The following INHBB variants were observed in gnomAD, a reference collection of about 807,000 sequenced individuals.
The protein encoded by INHBB is inhibin beta B chain.
Under a neutral mutation model 28.9 loss-of-function variants are expected in INHBB, and 8 were observed. The observed-to-expected ratio is 0.28, with a 90% CI of 0.16 to 0.50. The LOEUF is 0.50. Among genes scored for constraint, INHBB ranks in the 20% least tolerant of loss-of-function variants. The pLI is 0.98. For missense variants in INHBB, 499 were observed against 597.8 expected, an observed-to-expected ratio of 0.83 and a Z score of 1.72; for synonymous variants, 293 against 262.7, an observed-to-expected ratio of 1.12 and a Z score of -1.12.
At chr2:120,348,287 T>A (rs1156539679) in intron 1 of INHBB, among the ~76,000 whole-genome samples, 1 of 146,252 alleles carries the variant, frequency 6.8e-6, no homozygotes, top group Admixed American at 6.8e-5. Context: ...GTCACCGGAA[T>A]GTAGGATGAG....
At position 120,346,147 on chromosome 2, in the gene INHBB, G is replaced by A. The variant is rs1006334424; in HGVS notation, c.-42G>A. 4 of 1,071,354 alleles carry A rather than the reference G, an allele frequency of 3.7e-6. No individual in the cohort carries two copies. Among genetic ancestry groups the A allele is most frequent in the East Asian group, 6.5e-5 (1 of 15,332 alleles). 66.4% of individuals were successfully genotyped at this position (1,071,354 alleles called of 1,614,324 possible). On this transcript the variant is annotated 5_prime_UTR_variant, in exon 1 of 2. Coordinates refer to ENST00000295228, the MANE Select transcript of INHBB (RefSeq NM_002193.4). ...CCCGGCCCTGCGCTCGGCTCGACTC[G>A]GCTCGCCTCGCGGCGGGCGCCCTCG... is the stretch of plus-strand genomic sequence containing the variant.
chr2:120,347,643 A>T (rs1285174290), intron 1 of INHBB, among the ~76,000 whole-genome samples: 12 of 152,106 alleles, frequency 7.9e-5, no homozygotes, highest in Non-Finnish European at 1.3e-4. Flanking sequence ...GCCCCGGTGC[A>T]GTTAGGGCGG....
In INHBB at chr2:120,346,605, C is replaced by A; in HGVS notation, c.417C>A (p.Arg139=). The part of the protein sequence containing the change: ...HASPGADGQE[R]VSEIISFAET... ...GCCCGGGCGCCGACGGCCAGGAGCG[C>A]GTTTCCGAAATCATCAGCTTCGCCG... Residue 139 remains arginine (R), a synonymous_variant, in exon 1 of 2, where the codon CGC becomes CGA. Transcript: ENST00000295228. 6.9e-7 allele frequency: 1 copy of A among 1,453,050 alleles called. No homozygotes were observed. The highest frequency in any genetic ancestry group is 1.5e-5 in the African/African-American group (1 of 67,844). The allele number at this position is 1,453,050 out of a possible 1,614,324, so 90.0% of individuals were successfully genotyped here.
rs1691150438 is a variant in INHBB at position 120,346,302 on chromosome 2, G to T, written c.114G>T (p.Ala38=). Residue 38 remains alanine, a synonymous_variant, in exon 1 of 2, where the codon GCG becomes GCT. Coordinates refer to ENST00000295228, the MANE Select transcript of INHBB (RefSeq NM_002193.4). The part of the protein sequence containing the change: ...GSPTPPPTPA[A]PPPPPPPGSP... ...CCACGCCCCCGCCGACGCCTGCCGCGCCGCCGCCACCCCCGCCACCCGGAT... is the reference window on the plus strand; with the variant it reads ...CCACGCCCCCGCCGACGCCTGCCGCTCCGCCGCCACCCCCGCCACCCGGAT... The T allele has an allele frequency of 7.3e-7, 1 of 1,376,832 alleles. No homozygotes were observed. Among genetic ancestry groups the T allele is most frequent in the Non-Finnish European group, 9.3e-7 (1 of 1,073,004 alleles). 85.3% of individuals were successfully genotyped at this position (1,376,832 alleles called of 1,614,324 possible). A position where few individuals can be genotyped will look rare whatever the true frequency, so the allele number is the denominator to read the frequency against.
In INHBB at chr2:120,349,732, G is replaced by A. The variant is rs1558973639; in HGVS notation, c.1082G>A (p.Arg361Gln). 1.2e-6 allele frequency: 2 copies of A among 1,613,722 alleles called. No individual in the cohort carries two copies. Among genetic ancestry groups the A allele is most frequent in the Non-Finnish European group, 1.7e-6 (2 of 1,180,026 alleles). ...GCTGTGGTGAACCAGTACCGCATGC[G>A]GGGTCTGAACCCCGGCACGGTGAAC... Reference protein sequence around the residue: ...HTAVVNQYRMRGLNPGTVNSC... With the variant: ...HTAVVNQYRMQGLNPGTVNSC... The change falls in exon 2 of 2, where the codon CGG becomes CAG. Residue 361 changes from arginine to glutamine, a missense_variant. Coordinates refer to ENST00000295228, the MANE Select transcript of INHBB (RefSeq NM_002193.4). The surrounding 1 kb of genome is among the most constrained non-coding windows in gnomAD (Gnocchi z 5.6).
chr2:120,349,241 G>A lies in INHBB; in HGVS notation c.591G>A (p.Val197=), dbSNP rs1691215036. 2 of 1,614,074 alleles carry A rather than the reference G, an allele frequency of 1.2e-6. No individual in the cohort carries two copies. Among genetic ancestry groups the A allele is most frequent in the South Asian group, 1.1e-5 (1 of 91,088 alleles). Residue 197 remains valine, a synonymous_variant, in exon 2 of 2, where the codon GTG becomes GTA. Coordinates refer to ENST00000295228, the MANE Select transcript of INHBB (RefSeq NM_002193.4). This position sits in a 1 kb window ranked among gnomAD's most constrained non-coding sequence, Gnocchi z 5.6. ...YVLEKGSRRK[V]RVKVYFQEQG... ...TGGAGAAGGGCAGCCGGCGGAAGGTGCGGGTCAAAGTGTACTTCCAGGAGC... is the reference window on the plus strand; with the variant it reads ...TGGAGAAGGGCAGCCGGCGGAAGGTACGGGTCAAAGTGTACTTCCAGGAGC...
At chr2:120,348,667 A>AC (rs1329863654) in intron 1 of INHBB, among the ~76,000 whole-genome samples, 1 of 151,470 alleles carries the variant, frequency 6.6e-6, no homozygotes, top group Non-Finnish European at 1.5e-5. Context: ...AAAAAAAAAA[A>AC]AAAAAAAAAA....
rs890024718 is a variant in INHBB at position 120,350,145 on chromosome 2, A to G, written c.*271A>G. On this transcript the variant is annotated 3_prime_UTR_variant, in exon 2 of 2. Transcript: ENST00000295228. ...AGACGCATCCTGCCACCCACACAGC[A>G]GCCTCCAGGATACCAGCAAATGGAT... The G allele has an allele frequency of 1.5e-5, 7 of 466,972 alleles. No individual in the cohort carries two copies. Among genetic ancestry groups the G allele is most frequent in the African/African-American group, 9.8e-5 (5 of 51,234 alleles). 28.9% of individuals were successfully genotyped at this position (466,972 alleles called of 1,614,324 possible).
In INHBB at chr2:120,350,379, G is replaced by T. The variant is rs555243816; in HGVS notation, c.*505G>T. On this transcript the variant is annotated 3_prime_UTR_variant, in exon 2 of 2. Transcript: ENST00000295228. Reference sequence around the variant, plus strand: ...TGGGGAGCGCAGCTCGGCGGAGGCTGCGTGTGCCCCGTGGCTTTTACCAGG... The same window carrying T: ...TGGGGAGCGCAGCTCGGCGGAGGCTTCGTGTGCCCCGTGGCTTTTACCAGG... The T allele has an allele frequency of 6.1e-6, 1 of 162,738 alleles. No individual in the cohort carries two copies. The highest frequency in any genetic ancestry group is 1.8e-4 in the South Asian group (1 of 5,600). The allele number at this position is 162,738 out of a possible 1,614,324, so 10.1% of individuals were successfully genotyped here.
Position 120,346,524 on chromosome 2 carries a change from G to A in INHBB, c.336G>A (p.Ala112=), listed in dbSNP as rs1231032195. 6 of 1,529,920 alleles carry A rather than the reference G, an allele frequency of 3.9e-6. No individual in the cohort carries two copies. Among genetic ancestry groups the A allele is most frequent in the Non-Finnish European group, 5.2e-6 (6 of 1,145,080 alleles). 94.8% of individuals were successfully genotyped at this position (1,529,920 alleles called of 1,614,324 possible). A position where few individuals can be genotyped will look rare whatever the true frequency, so the allele number is the denominator to read the frequency against. The change falls in exon 1 of 2, where the codon GCG becomes GCA. Residue 112 remains alanine, a synonymous_variant. Transcript: ENST00000295228. ...TCACGGCCCTGCGCAAGCTGCACGC[G>A]GGCAAGGTGCGCGAGGACGGCCGCG... The part of the protein sequence containing the change: ...AMVTALRKLH[A]GKVREDGRVE...
At chr2:120,346,680 C>A in intron 1 of INHBB, 44 bp downstream of exon 1, 2 of 1,381,626 alleles carry the variant, frequency 1.4e-6, no homozygotes, top group South Asian at 1.7e-5. Flanking sequence ...CCCGCTCGCT[C>A]CCGCTCTCCC....
In INHBB at chr2:120,346,569, C is replaced by A; in HGVS notation, c.381C>A (p.Asp127Glu). ...EDGRVEIPHLDGHASPGADGQ... is the reference protein window; with the variant it reads ...EDGRVEIPHLEGHASPGADGQ... ...GCCGCGTGGAGATCCCGCACCTCGA[C>A]GGCCACGCCAGCCCGGGCGCCGACG... The change falls in exon 1 of 2, where the codon GAC becomes GAA. Residue 127 changes from aspartate to glutamate, a missense_variant. By Grantham distance (45) the Asp-to-Glu change is conservative (BLOSUM62 2). This residue lies in a region of INHBB where 385 missense variants were observed against 415.2 expected (regional missense o/e 0.93). Coordinates refer to ENST00000295228, the MANE Select transcript of INHBB (RefSeq NM_002193.4). 6.7e-7 allele frequency: 1 copy of A among 1,485,930 alleles called. No homozygotes were observed. Among genetic ancestry groups the A allele is most frequent in the Non-Finnish European group, 8.9e-7 (1 of 1,125,036 alleles). The allele number at this position is 1,485,930 out of a possible 1,614,324, so 92.0% of individuals were successfully genotyped here.
At chr2:120,347,736 C>T (rs1044577639) in intron 1 of INHBB, among the ~76,000 whole-genome samples, 14 of 152,196 alleles carry the variant, frequency 9.2e-5, no homozygotes, top group Middle Eastern at 3.4e-3. Flanking sequence ...GCAGGCAGCC[C>T]GGGGATGAAA....
intron 1 of INHBB, among the ~76,000 whole-genome samples, chr2:120,347,074 AGT>A (rs916053696): frequency 2.0e-5 from 3 of 151,718 alleles, no homozygotes; most frequent in African/African-American, 4.8e-5. Flanking sequence ...GGAGAGAGAG[AGT>A]GTGTGTGTAT....
chr2:120,347,982 G>A (rs1368562078), intron 1 of INHBB, among the ~76,000 whole-genome samples: 1 of 152,180 alleles, frequency 6.6e-6, no homozygotes, highest in East Asian at 1.9e-4. Context: ...TGACAGCGGG[G>A]GCTGTTATAT....
Position 120,350,030 on chromosome 2 carries a change from A to G in INHBB, c.*156A>G, listed in dbSNP as rs1307068992. The G allele has an allele frequency of 1.5e-5, 11 of 719,702 alleles. No homozygotes were observed. The highest frequency in any genetic ancestry group is 3.0e-5 in the Admixed American group (1 of 33,382). 44.6% of individuals were successfully genotyped at this position (719,702 alleles called of 1,614,324 possible). ...AGGGTGCGGCCTGAGATATTTTTCT[A>G]CAGCTTCATAGAGCAACCAGTCAAA... On this transcript the variant is annotated 3_prime_UTR_variant, in exon 2 of 2. Coordinates refer to ENST00000295228, the MANE Select transcript of INHBB (RefSeq NM_002193.4).
chr2:120,346,274 C>T lies in INHBB; in HGVS notation c.86C>T (p.Ser29Leu). Reference protein sequence around the residue: ...AGWLGPEAWGSPTPPPTPAAP... With the variant: ...AGWLGPEAWGLPTPPPTPAAP... ...TGGCTGGGGCCTGAGGCCTGGGGCT[C>T]ACCCACGCCCCCGCCGACGCCTGCC... Residue 29 changes from serine to leucine, a missense_variant, in exon 1 of 2, where the codon TCA becomes TTA. Ser to Leu is a moderately radical substitution (Grantham distance 145). Transcript: ENST00000295228. 2 of 1,353,478 alleles carry T rather than the reference C, an allele frequency of 1.5e-6. No individual in the cohort carries two copies. The highest frequency in any genetic ancestry group is 1.9e-6 in the Non-Finnish European group (2 of 1,060,052). The allele number at this position is 1,353,478 out of a possible 1,614,324, so 83.8% of individuals were successfully genotyped here.
rs1691225705 is a variant in INHBB, at chr2:120,349,637, G to T, written c.987G>T (p.Gly329=). The T allele has an allele frequency of 1.2e-6, 2 of 1,613,650 alleles. No individual in the cohort carries two copies. The highest frequency in any genetic ancestry group is 2.2e-5 in the South Asian group (2 of 91,092). The change falls in exon 2 of 2, where the codon GGG becomes GGT. Residue 329 remains glycine, a synonymous_variant. Coordinates refer to ENST00000295228, the MANE Select transcript of INHBB (RefSeq NM_002193.4). This position sits in a 1 kb window ranked among gnomAD's most constrained non-coding sequence, Gnocchi z 5.6. ...TCATAGCACCCACCGGCTACTACGG[G>T]AACTACTGTGAGGGCAGCTGCCCAG... The part of the protein sequence containing the change: ...DWIIAPTGYY[G]NYCEGSCPAY...
In INHBB at chr2:120,346,258, C is replaced by T. The variant is rs1468674990; in HGVS notation, c.70C>T (p.Pro24Ser). The change falls in exon 1 of 2, where the codon CCT (proline) becomes TCT (serine). Residue 24 changes from proline (P) to serine (S), a missense_variant. Pro to Ser is a moderately conservative substitution (Grantham distance 74). This residue lies in a region of INHBB where 385 missense variants were observed against 415.2 expected (regional missense o/e 0.93). Coordinates refer to ENST00000295228, the MANE Select transcript of INHBB (RefSeq NM_002193.4). ...LLLLAAGWLG[P>S]EAWGSPTPPP... ...GCTGCTGGCGGCCGGCTGGCTGGGGCCTGAGGCCTGGGGCTCACCCACGCC... is the reference window on the plus strand; with the variant it reads ...GCTGCTGGCGGCCGGCTGGCTGGGGTCTGAGGCCTGGGGCTCACCCACGCC... The T allele has an allele frequency of 1.7e-5, 22 of 1,284,872 alleles. No individual in the cohort carries two copies. Among genetic ancestry groups the T allele is most frequent in the Middle Eastern group, 3.0e-4 (1 of 3,348 alleles). The allele number at this position is 1,284,872 out of a possible 1,614,324, so 79.6% of individuals were successfully genotyped here. A position where few individuals can be genotyped will look rare whatever the true frequency, so the allele number is the denominator to read the frequency against.
Sources: allele counts gnomAD v4.1 joint callset (sites outside exome capture counted in the v4.1 genomes callset), GRCh38; gene constraint gnomAD v4.1.1; regional missense constraint gnomAD v4.1.1; non-coding constraint Gnocchi (gnomAD v3.1); transcripts MANE v1.5; gene names NCBI Gene and HGNC (gene_info 2026-07-23, HGNC 2026-07-21).